The following CSMD3 variants were observed in gnomAD, a reference collection of about 807,000 sequenced individuals.
CSMD3 encodes the protein CUB and Sushi multiple domains 3, also known as CUB and sushi domain-containing protein 3.
A neutral mutation model predicts 435.2 loss-of-function variants in CSMD3; 177 were observed. The observed-to-expected ratio is 0.41, with a 90% CI of 0.36 to 0.46. The LOEUF (loss-of-function observed/expected upper bound fraction) is 0.46, where lower values mean the gene tolerates loss of function less well. Ranked by LOEUF, CSMD3 falls within the 20% of genes least tolerant of loss-of-function variation. The pLI is 0.34. For synonymous variants in CSMD3, 1,656 were observed against 1,520.5 expected (o/e 1.09, Z -2.07); for missense variants, 4,265 against 4,504.6 (o/e 0.95, Z 1.52).
intron 49 of CSMD3, among the ~76,000 whole-genome samples, chr8:112,312,597 T>A (rs1822095397): frequency 6.6e-6 from 1 of 152,150 alleles, no homozygotes; most frequent in Non-Finnish European, 1.5e-5. Flanking sequence ...GATTGCATAA[T>A]AAATTATTTT....
chr8:112,884,108 G>C (rs1400790875), intron 10 of CSMD3, among the ~76,000 whole-genome samples: 1 of 151,718 alleles, frequency 6.6e-6, no homozygotes, highest in East Asian at 2.0e-4. Context: ...TTTTAACCTG[G>C]ACACAGTAAA....
rs185593811 is a variant in CSMD3, at chr8:113,361,459, T to C, written c.179-46666A>G. ...AAAAGTATTTTCTTATAATATTTCC[T>C]GAATGTCTTCATTATCTTTGAATAT... On this transcript the variant is annotated intron_variant, in intron 1 of 70. Transcript: ENST00000297405. 6.3e-4 allele frequency among the ~76,000 whole-genome samples: 96 copies of C among 152,266 alleles called. 1 individual carries two copies. The highest frequency in any genetic ancestry group is 2.2e-3 in the African/African-American group (93 of 41,582).
At chr8:112,550,362 T>C (rs918936858) in intron 27 of CSMD3, among the ~76,000 whole-genome samples, 3 of 152,020 alleles carry the variant, frequency 2.0e-5, no homozygotes, top group Non-Finnish European at 4.4e-5. Context: ...TCTACTTTTA[T>C]ACTATTTCCA....
rs559503221 is a variant in CSMD3, at chr8:112,976,234, C to G, written c.1031-86G>C. On this transcript the variant is annotated intron_variant, in intron 6 of 70. Transcript: ENST00000297405. Reference sequence around the variant, plus strand: ...TGATAAATTTAATCAATCATATTCTCTTCTATTACCTTAAGGATAATCAAC... The same window carrying G: ...TGATAAATTTAATCAATCATATTCTGTTCTATTACCTTAAGGATAATCAAC... 3.5e-6 allele frequency: 5 copies of G among 1,419,720 alleles called. No homozygotes were observed. In the East Asian group the frequency reaches 9.8e-5, roughly 28 times the overall value. The allele number at this position is 1,419,720 out of a possible 1,614,324, so 87.9% of individuals were successfully genotyped here. A position where few individuals can be genotyped will look rare whatever the true frequency, so the allele number is the denominator to read the frequency against.
chr8:112,425,789 C>A (rs536973612), intron 32 of CSMD3, among the ~76,000 whole-genome samples: 1 of 151,864 alleles, frequency 6.6e-6, no homozygotes, highest in East Asian at 1.9e-4. Flanking sequence ...TGAAAATTTT[C>A]TATTATTAAA....
intron 6 of CSMD3, 135 bp downstream of exon 6, chr8:113,018,932 C>A: frequency 1.4e-6 from 1 of 699,522 alleles, no homozygotes; most frequent in Non-Finnish European, 2.6e-6. Flanking sequence ...ATTGTCTCAG[C>A]AACAGCATGA....
At chr8:113,224,334 T>C (rs1218963229) in intron 3 of CSMD3, among the ~76,000 whole-genome samples, 1 of 151,230 alleles carries the variant, frequency 6.6e-6, no homozygotes, top group Non-Finnish European at 1.5e-5. Context: ...CCCATTCATC[T>C]ATAGACATCT....
At chr8:113,141,944 A>C (rs1373998893) in intron 4 of CSMD3, among the ~76,000 whole-genome samples, 3 of 151,084 alleles carry the variant, frequency 2.0e-5, no homozygotes, top group African/African-American at 7.3e-5. Context: ...ATAAAATATA[A>C]ATAAAGAAAT....
At chr8:113,255,095 G>A (rs1262568844) in intron 3 of CSMD3, among the ~76,000 whole-genome samples, 2 of 152,056 alleles carry the variant, frequency 1.3e-5, no homozygotes, top group Non-Finnish European at 2.9e-5. Flanking sequence ...CATTTAAATG[G>A]AAGTACCAAG....
At chr8:112,308,979 T>C (rs1239833381) in intron 50 of CSMD3, among the ~76,000 whole-genome samples, 1 of 152,058 alleles carries the variant, frequency 6.6e-6, no homozygotes, top group Non-Finnish European at 1.5e-5. Context: ...ATAGAGGTCA[T>C]ATCCTGTAAG....
At chr8:112,792,935 C>T (rs1229990535) in intron 13 of CSMD3, among the ~76,000 whole-genome samples, 3 of 151,524 alleles carry the variant, frequency 2.0e-5, no homozygotes, top group East Asian at 1.9e-4. Flanking sequence ...TTACAGAAAA[C>T]ATTTACTACA....
chr8:112,877,903 A>G (rs1021050227), intron 10 of CSMD3, among the ~76,000 whole-genome samples: 2 of 152,180 alleles, frequency 1.3e-5, no homozygotes, highest in East Asian at 3.9e-4. Context: ...CTTACACCTT[A>G]TACAAAAATT....
At chr8:112,981,696 T>G (rs563537595) in intron 6 of CSMD3, among the ~76,000 whole-genome samples, 6 of 151,828 alleles carry the variant, frequency 4.0e-5, no homozygotes, top group African/African-American at 1.4e-4. Flanking sequence ...GTAAAACAAA[T>G]ATTAACAAAT....
rs1814240550 is a variant in CSMD3, at chr8:112,242,216, C to T, written c.10403-431G>A. ...AGTTTGTTGAGATAATTAAAGATGT[C>T]ACCAGAAATTGGATAGACTTAAAGG... On this transcript the variant is annotated intron_variant, in intron 65 of 70. Coordinates refer to ENST00000297405, the MANE Select transcript of CSMD3 (RefSeq NM_198123.2). Among the ~76,000 whole-genome samples the T allele has an allele frequency of 2.6e-5, 4 of 152,038 alleles. No homozygotes were observed. In the South Asian group the frequency reaches 8.3e-4, roughly 31 times the overall value.
At chr8:112,341,964 A>T (rs1178197644) in intron 41 of CSMD3, among the ~76,000 whole-genome samples, 1 of 152,260 alleles carries the variant, frequency 6.6e-6, no homozygotes, top group Non-Finnish European at 1.5e-5. Context: ...GATCCAAAAA[A>T]GTGGCTTTCT....
chr8:113,036,532 A>G (rs146530437), intron 5 of CSMD3, among the ~76,000 whole-genome samples: 173 of 152,102 alleles, frequency 1.1e-3, no homozygotes, highest in African/African-American at 4.0e-3. Context: ...CTTATTTTAT[A>G]AGGAGAATGT....
chr8:113,030,658 T>G (rs2087068057), intron 5 of CSMD3, among the ~76,000 whole-genome samples: 1 of 150,942 alleles, frequency 6.6e-6, no homozygotes, highest in Non-Finnish European at 1.5e-5. Context: ...AAAAAATAAT[T>G]AACAAATTGG....
At chr8:112,946,690 C>A (rs1311449531) in intron 9 of CSMD3, among the ~76,000 whole-genome samples, 1 of 151,696 alleles carries the variant, frequency 6.6e-6, no homozygotes, top group Non-Finnish European at 1.5e-5. Context: ...TATAACATGT[C>A]AAAGTCTGAC....
At position 112,985,073 on chromosome 8, in the gene CSMD3, T is replaced by C. The variant is rs2085205298; in HGVS notation, c.1031-8925A>G. Among the ~76,000 whole-genome samples the C allele has an allele frequency of 2.6e-5, 4 of 152,196 alleles. No individual in the cohort carries two copies. In the South Asian group the frequency reaches 8.3e-4, roughly 32 times the overall value. On this transcript the variant is annotated intron_variant, in intron 6 of 70. Coordinates refer to ENST00000297405, the MANE Select transcript of CSMD3 (RefSeq NM_198123.2). ...CATGTCTTTCAAGTAAACAGTCTAA[T>C]AGCTATTTAAAAAATAACCAGAGCA...
Sources: allele counts gnomAD v4.1 joint callset (sites outside exome capture counted in the v4.1 genomes callset), GRCh38; gene constraint gnomAD v4.1.1; transcripts MANE v1.5; gene names NCBI Gene and HGNC (gene_info 2026-07-23, HGNC 2026-07-21).